ASCC2: variants seen among roughly 807,000 people sequenced by gnomAD.
ASCC2 encodes ASC-1 complex subunit P100.
ASCC2 carries 42 observed loss-of-function variants against 93.5 expected under a neutral mutation model. The ratio of observed to expected loss-of-function variants is 0.45; its 90% confidence interval spans 0.35 to 0.58. The LOEUF (loss-of-function observed/expected upper bound fraction) is 0.58. ASCC2 is among the 20% of genes least tolerant of loss of function. ASCC2 has a pLI of 0.00. For missense variants in ASCC2, 859 were observed against 977.6 expected, an observed-to-expected ratio of 0.88 and a Z score of 1.62; for synonymous variants, 364 against 384.2, an observed-to-expected ratio of 0.95 and a Z score of 0.62.
In ASCC2 at chr22:29,802,211, G is replaced by A. The variant is rs1946127588; in HGVS notation, c.1354-3C>T. ...ACAGCCGCGGCTGCTCCCATGCACT[G>A]TAGTGAGAGCCAGAGCCAAGAAGGG... On this transcript the variant is annotated splice_region_variant and splice_polypyrimidine_tract_variant and intron_variant, in intron 13 of 19. Transcript: ENST00000307790. 8 of 1,613,816 alleles carry A rather than the reference G, an allele frequency of 5.0e-6. No homozygotes were observed. Among genetic ancestry groups the A allele is most frequent in the Non-Finnish European group, 5.9e-6 (7 of 1,179,962 alleles).
rs1345000097 is a variant in ASCC2, at chr22:29,806,254, G to A, written c.1122C>T (p.Ala374=). 13 of 1,613,976 alleles carry A rather than the reference G, an allele frequency of 8.1e-6. No individual in the cohort carries two copies. Among genetic ancestry groups the A allele is most frequent in the Admixed American group, 1.7e-5 (1 of 59,996 alleles). Residue 374 remains alanine (A), a synonymous_variant, in exon 12 of 20, where the codon GCC becomes GCT. Transcript: ENST00000307790. ...LRDYDALFPV[A]EDISLLQQAS... ...CCTGCTGCAGCAAGCTGATGTCTTC[G>A]GCCACGGGGAAGAGTGCATCATAGT...
chr22:29,792,599 G>C, intron 17 of ASCC2, 64 bp from the exon 18 acceptor site: 1 of 1,602,496 alleles, frequency 6.2e-7, no homozygotes, highest in Non-Finnish European at 8.5e-7. Context: ...GCCACAAGGA[G>C]GAGGGAACCT....
rs182081433 is a variant in ASCC2 at position 29,793,357 on chromosome 22, C to T, written c.1919+3G>A. 4.1e-3 allele frequency: 6,575 copies of T among 1,613,300 alleles called. 36 individuals carry two copies. Among genetic ancestry groups the T allele is most frequent in the South Asian group, 0.012 (1,112 of 91,088 alleles). ...TGGAACGCCACCCCCACTATGGCCT[C>T]ACCTGCGGCTGATGAGCTCGTCATC... On this transcript the variant is annotated splice_donor_region_variant and intron_variant, in intron 17 of 19. Transcript: ENST00000307790.
At chr22:29,806,379 C>G in intron 11 of ASCC2, 89 bp from the exon 12 acceptor site, 2 of 1,572,026 alleles carry the variant, frequency 1.3e-6, no homozygotes, top group Non-Finnish European at 1.8e-6. Flanking sequence ...GTTTGCAGCC[C>G]GACCTTATTA....
At chr22:29,834,542 C>T (rs1453165585) in intron 1 of ASCC2, 9 of 470,724 alleles carry the variant, frequency 1.9e-5, no homozygotes, top group Admixed American at 1.9e-4. Flanking sequence ...TCTGCATACA[C>T]GAGGTGGCCT....
At chr22:29,805,167 G>A (rs1601924298) in intron 12 of ASCC2, among the ~76,000 whole-genome samples, 1 of 152,224 alleles carries the variant, frequency 6.6e-6, no homozygotes, top group Non-Finnish European at 1.5e-5. Flanking sequence ...TAGGGCCACT[G>A]CCACTGGGCT....
At chr22:29,823,027 T>A (rs1042136126) in intron 4 of ASCC2, among the ~76,000 whole-genome samples, 16 of 146,808 alleles carry the variant, frequency 1.1e-4, no homozygotes, top group Non-Finnish European at 1.5e-4. Context: ...GCCTCCCCTT[T>A]AAAAAAAATT....
chr22:29,831,493 G>T (rs566019776), intron 2 of ASCC2, among the ~76,000 whole-genome samples: 1 of 152,322 alleles, frequency 6.6e-6, no homozygotes, highest in East Asian at 1.9e-4. Context: ...ACTATTATTA[G>T]AGACTATTTA....
chr22:29,802,056 G>A lies in ASCC2; in HGVS notation c.1506C>T (p.Ile502=). The A allele has an allele frequency of 5.0e-6, 8 of 1,613,744 alleles. No homozygotes were observed. Among genetic ancestry groups the A allele is most frequent in the Non-Finnish European group, 6.8e-6 (8 of 1,179,862 alleles). ...EYYHYDPEQV[I]NNILEERLAP... is the part of the protein sequence containing the mutation. ...CCAGCCGCTCCTCCAGGATATTGTT[G>A]ATCACCTGCTCTGGGTCGTAGTGGT... The change falls in exon 14 of 20, where the codon ATC becomes ATT. Residue 502 remains isoleucine, a synonymous_variant. Coordinates refer to ENST00000307790, the MANE Select transcript of ASCC2 (RefSeq NM_032204.5).
intron 13 of ASCC2, 95 bp from the exon 14 acceptor site, chr22:29,802,303 T>A: frequency 7.9e-7 from 1 of 1,271,214 alleles, no homozygotes; most frequent in South Asian, 1.3e-5. Context: ...ATCAGGGATC[T>A]GGTTCAAGTC....
At chr22:29,835,477 AG>A (rs1244628753) in intron 1 of ASCC2, among the ~76,000 whole-genome samples, 1 of 152,074 alleles carries the variant, frequency 6.6e-6, no homozygotes, top group Non-Finnish European at 1.5e-5. Context: ...AGGGCAATTC[AG>A]GGCTAGCCTG....
At position 29,802,088 on chromosome 22, in the gene ASCC2, C is replaced by G; in HGVS notation, c.1474G>C (p.Glu492Gln). The change falls in exon 14 of 20, where the codon GAG (glutamate) becomes CAG (glutamine). Residue 492 changes from glutamate to glutamine, a missense_variant. Coordinates refer to ENST00000307790, the MANE Select transcript of ASCC2 (RefSeq NM_032204.5). ...LGEGFILACLEYYHYDPEQVI... is the reference protein window; with the variant it reads ...LGEGFILACLQYYHYDPEQVI... ...TGCTCTGGGTCGTAGTGGTAGTACT[C>G]CAGGCAGGCCAGGATGAAGCCCTCA... 2 of 1,614,162 alleles carry G rather than the reference C, an allele frequency of 1.2e-6. No homozygotes were observed. The highest frequency in any genetic ancestry group is 3.3e-4 in the Middle Eastern group (2 of 6,062).
At chr22:29,821,884 A>G (rs141268349) in intron 5 of ASCC2, 8 of 426,960 alleles carry the variant, frequency 1.9e-5, no homozygotes, top group African/African-American at 1.3e-4. Flanking sequence ...CTGTAGTCCC[A>G]GGTACCTGGG....
At chr22:29,832,892 C>T (rs1015036010) in intron 1 of ASCC2, among the ~76,000 whole-genome samples, 7 of 152,162 alleles carry the variant, frequency 4.6e-5, no homozygotes, top group African/African-American at 1.7e-4. Context: ...AGGCATGCAC[C>T]ACTACGGCCA....
At chr22:29,808,268 G>A in intron 8 of ASCC2, 83 bp from the exon 9 acceptor site, 1 of 1,384,564 alleles carries the variant, frequency 7.2e-7, no homozygotes, top group South Asian at 1.2e-5. Context: ...ACCCCAGGGA[G>A]TGGGAAGGCC....
At chr22:29,835,809 A>G (rs1443335642) in intron 1 of ASCC2, among the ~76,000 whole-genome samples, 1 of 152,208 alleles carries the variant, frequency 6.6e-6, no homozygotes, top group African/African-American at 2.4e-5. Flanking sequence ...CCTGAATACA[A>G]TCTGGGTCCT....
At chr22:29,837,728 C>A (rs776693923) in intron 1 of ASCC2, among the ~76,000 whole-genome samples, 1 of 152,200 alleles carries the variant, frequency 6.6e-6, no homozygotes, top group Non-Finnish European at 1.5e-5. Flanking sequence ...ATCCACTCTC[C>A]CAGTTACTGT....
chr22:29,793,525 G>C (rs1001583779), intron 16 of ASCC2, 35 bp from the exon 17 acceptor site: 1 of 1,613,832 alleles, frequency 6.2e-7, no homozygotes, highest in Non-Finnish European at 8.5e-7. Flanking sequence ...GGGGGGCTCA[G>C]GGGCTGGCCT....
rs1396682552 is a variant in ASCC2 at position 29,838,234 on chromosome 22, G to T, written c.-74C>A. On this transcript the variant is annotated 5_prime_UTR_variant, in exon 1 of 20. Transcript: ENST00000307790. The stretch of plus-strand genomic sequence containing the variant: ...CGCCGCCGCCGCCGCCGCCGACCAC[G>T]GTGACAGCTCCCTGAGCGCCCGCAC... 2.1e-6 allele frequency: 1 copy of T among 468,444 alleles called. No individual in the cohort carries two copies. Among genetic ancestry groups the T allele is most frequent in the Non-Finnish European group, 4.3e-6 (1 of 232,678 alleles). 29.0% of individuals were successfully genotyped at this position (468,444 alleles called of 1,614,324 possible). A position where few individuals can be genotyped will look rare whatever the true frequency, so the allele number is the denominator to read the frequency against.
Sources: allele counts gnomAD v4.1 joint callset (sites outside exome capture counted in the v4.1 genomes callset), GRCh38; gene constraint gnomAD v4.1.1; transcripts MANE v1.5; gene names NCBI Gene and HGNC (gene_info 2026-07-23, HGNC 2026-07-21).